Variants in LHFPL3 observed in about 807,000 individuals in gnomAD.
LHFPL3 encodes LHFPL tetraspan subfamily member 3.
A neutral mutation model predicts 19.3 loss-of-function variants in LHFPL3; 5 were observed. The observed-to-expected ratio is 0.26, with a 90% CI of 0.14 to 0.54. LHFPL3 has a LOEUF of 0.54. Ranked by LOEUF, LHFPL3 falls within the 20% of genes least tolerant of loss-of-function variation. The probability of loss-of-function intolerance (pLI) is 0.94; values close to 1 mark genes in which losing one functional copy is unlikely to be tolerated. For missense variants in LHFPL3, 249 were observed against 307.4 expected (o/e 0.81, Z 1.42); for synonymous variants, 133 against 126.2 (o/e 1.05, Z -0.36).
intron 1 of LHFPL3, chr7:104,668,883 G>A (rs1792417276): frequency 6.2e-7 from 1 of 1,612,232 alleles, no homozygotes; most frequent in East Asian, 2.2e-5. Flanking sequence ...GAACGGCTAC[G>A]AAGGAACAAG....
chr7:104,603,079 TTTCTTTC>T (rs1791005882), intron 1 of LHFPL3, among the ~76,000 whole-genome samples: 1 of 95,706 alleles, frequency 1.0e-5, no homozygotes, highest in Admixed American at 9.9e-5. Context: ...TCTTTCTTTC[TTTCTTTC>T]TTTCTTTCTT....
At chr7:104,852,178 G>C (rs1223542484) in intron 2 of LHFPL3, among the ~76,000 whole-genome samples, 2 of 152,078 alleles carry the variant, frequency 1.3e-5, no homozygotes, top group African/African-American at 4.8e-5. Flanking sequence ...ACCAGTCAGG[G>C]AATGCCACCT....
chr7:104,487,895 G>A (rs1213111315), intron 1 of LHFPL3, among the ~76,000 whole-genome samples: 2 of 152,088 alleles, frequency 1.3e-5, no homozygotes, highest in Non-Finnish European at 2.9e-5. Flanking sequence ...GAGGGGCAAG[G>A]GTACTATTAC....
intron 2 of LHFPL3, among the ~76,000 whole-genome samples, chr7:104,891,780 A>G (rs1239723250): frequency 6.6e-6 from 1 of 152,234 alleles, no homozygotes; most frequent in Non-Finnish European, 1.5e-5. Context: ...TAGGAGCATT[A>G]TTTGGCTCTC....
intron 1 of LHFPL3, among the ~76,000 whole-genome samples, chr7:104,589,253 A>G (rs1427402629): frequency 6.6e-6 from 1 of 152,194 alleles, no homozygotes; most frequent in Non-Finnish European, 1.5e-5. Flanking sequence ...TGGGTTTGTC[A>G]TAAATAGCTC....
At chr7:104,817,677 T>C (rs1790582234) in intron 2 of LHFPL3, among the ~76,000 whole-genome samples, 1 of 152,086 alleles carries the variant, frequency 6.6e-6, no homozygotes, top group African/African-American at 2.4e-5. Context: ...ATTTGACGAT[T>C]GACAATTCTA....
intron 1 of LHFPL3, among the ~76,000 whole-genome samples, chr7:104,368,261 T>A (rs760371781): frequency 3.3e-4 from 50 of 152,212 alleles, no homozygotes; most frequent in Non-Finnish European, 6.6e-4. Context: ...GTTAAAACTC[T>A]GTGCAGCCTC....
intron 2 of LHFPL3, among the ~76,000 whole-genome samples, chr7:104,891,946 A>C (rs117640541): frequency 6.6e-6 from 1 of 152,350 alleles, no homozygotes; most frequent in East Asian, 1.9e-4. Flanking sequence ...CTTTGAACAC[A>C]AATTAATCCA....
chr7:104,556,791 G>A (rs1293990416), intron 1 of LHFPL3, among the ~76,000 whole-genome samples: 1 of 152,132 alleles, frequency 6.6e-6, no homozygotes, highest in East Asian at 1.9e-4. Flanking sequence ...TTTATGCTCT[G>A]TTTCCCTTTT....
chr7:104,768,658 G>T (rs961787788), intron 2 of LHFPL3: 1 of 152,148 alleles, frequency 6.6e-6, no homozygotes, highest in Non-Finnish European at 1.5e-5. Flanking sequence ...AGCAAGCAAA[G>T]CCCTCGGCAC....
intron 1 of LHFPL3, among the ~76,000 whole-genome samples, chr7:104,565,975 A>G (rs1790116626): frequency 6.6e-6 from 1 of 152,020 alleles, no homozygotes; most frequent in Non-Finnish European, 1.5e-5. Flanking sequence ...CACCAGAGGG[A>G]AAAGGCATTT....
chr7:104,856,377 G>A (rs1705944499), intron 2 of LHFPL3, among the ~76,000 whole-genome samples: 1 of 150,400 alleles, frequency 6.6e-6, no homozygotes, highest in South Asian at 2.1e-4. Context: ...AGCCTCCCGA[G>A]TAGCCGGGAT....
chr7:104,331,754 A>G (rs1431312708), intron 1 of LHFPL3, among the ~76,000 whole-genome samples: 1 of 152,086 alleles, frequency 6.6e-6, no homozygotes, highest in Non-Finnish European at 1.5e-5. Flanking sequence ...GTTCAAAACC[A>G]GCCTGGCCAA....
chr7:104,484,324 C>G (rs1793196928), intron 1 of LHFPL3, among the ~76,000 whole-genome samples: 1 of 152,168 alleles, frequency 6.6e-6, no homozygotes, highest in Non-Finnish European at 1.5e-5. Flanking sequence ...CCCTGCTACA[C>G]TTGCCCCACC....
chr7:104,361,627 A>G (rs933518048), intron 1 of LHFPL3, among the ~76,000 whole-genome samples: 2 of 152,228 alleles, frequency 1.3e-5, no homozygotes, highest in African/African-American at 4.8e-5. Flanking sequence ...AAGGTACTAC[A>G]TAAATATAAG....
At chr7:104,391,565 C>T (rs1435889896) in intron 1 of LHFPL3, among the ~76,000 whole-genome samples, 1 of 152,144 alleles carries the variant, frequency 6.6e-6, no homozygotes, top group Non-Finnish European at 1.5e-5. Flanking sequence ...GGTACCAGTA[C>T]CATGCTGTTT....
chr7:104,589,754 G>A (rs1328271669), intron 1 of LHFPL3, among the ~76,000 whole-genome samples: 1 of 151,980 alleles, frequency 6.6e-6, no homozygotes, highest in Non-Finnish European at 1.5e-5. Flanking sequence ...GACTTTTTTT[G>A]GTTAGTAGGC....
intron 1 of LHFPL3, among the ~76,000 whole-genome samples, chr7:104,723,616 A>G (rs527524765): frequency 5.3e-5 from 8 of 150,880 alleles, no homozygotes; most frequent in Admixed American, 1.3e-4. Flanking sequence ...CAGCTACTTA[A>G]GAGGCTGAGA....
intron 1 of LHFPL3, among the ~76,000 whole-genome samples, chr7:104,592,587 G>T (rs886206972): frequency 6.6e-6 from 1 of 152,194 alleles, no homozygotes; most frequent in African/African-American, 2.4e-5. Flanking sequence ...TCTGTTCTCA[G>T]ATCTCAAACT....
Sources: gnomAD v4.1 joint callset for allele counts (sites outside exome capture counted in the v4.1 genomes callset) on GRCh38, gnomAD v4.1.1 for gene constraint, MANE v1.5 for transcripts, NCBI Gene and HGNC (gene_info 2026-07-23, HGNC 2026-07-21) for gene names.